SPATA13: variants seen among roughly 807,000 people sequenced by gnomAD.
SPATA13 encodes the protein spermatogenesis-associated protein 13.
SPATA13 carries 50 observed loss-of-function variants against 104.0 expected under a neutral mutation model. The ratio of observed to expected loss-of-function variants is 0.48; its 90% CI spans 0.38 to 0.61. The LOEUF (loss-of-function observed/expected upper bound fraction) is 0.61, where lower values mean the gene tolerates loss of function less well. Ranked by LOEUF, SPATA13 falls within the 20% of genes least tolerant of loss-of-function variation. The pLI is 0.00. For synonymous variants in SPATA13, 606 were observed against 667.5 expected (o/e 0.91, Z 1.42); for missense variants, 1,524 against 1,690.6 (o/e 0.90, Z 1.73).
chr13:24,194,129 G>A (rs1370070735), intron 1 of SPATA13, among the ~76,000 whole-genome samples: 1 of 152,180 alleles, frequency 6.6e-6, no homozygotes, highest in Non-Finnish European at 1.5e-5. Context: ...AACTCTAGCA[G>A]CTTCCCCTGC....
At chr13:24,283,723 C>T (rs1875717495) in intron 4 of SPATA13, among the ~76,000 whole-genome samples, 1 of 152,200 alleles carries the variant, frequency 6.6e-6, no homozygotes, top group African/African-American at 2.4e-5. Flanking sequence ...AATACTGTTG[C>T]CTTGCAGATA....
chr13:23,996,398 G>A (rs1424037554), intron 2 of SPATA13, among the ~76,000 whole-genome samples: 1 of 70,898 alleles, frequency 1.4e-5, no homozygotes, highest in Non-Finnish European at 3.5e-5. Context: ...ATTCAGCAGA[G>A]TTCAATTGGG....
chr13:24,160,538 C>T (rs537996470), upstream of SPATA13, among the ~76,000 whole-genome samples: 3 of 152,280 alleles, frequency 2.0e-5, no homozygotes, highest in African/African-American at 7.2e-5. Context: ...GCCACTGCGC[C>T]TGGCCGGGGA....
intron 2 of SPATA13, among the ~76,000 whole-genome samples, chr13:24,008,876 C>T (rs1876343865): frequency 6.6e-6 from 1 of 152,190 alleles, no homozygotes; most frequent in South Asian, 2.1e-4. Context: ...CCCCAGACAG[C>T]CATTCAGCCA....
intron 4 of SPATA13, among the ~76,000 whole-genome samples, chr13:24,281,727 C>A (rs1346298041): frequency 2.0e-5 from 3 of 152,230 alleles, no homozygotes; most frequent in African/African-American, 7.2e-5. Context: ...GCACCACTCA[C>A]AGGTGCTGTG....
chr13:24,179,498 T>C (rs1868657125), intron 1 of SPATA13, among the ~76,000 whole-genome samples: 1 of 152,238 alleles, frequency 6.6e-6, no homozygotes, highest in Non-Finnish European at 1.5e-5. Context: ...TTAACCAGTT[T>C]CAGTGTACAG....
intron 2 of SPATA13, among the ~76,000 whole-genome samples, chr13:24,004,788 G>A (rs12429964): frequency 0.16 from 24,501 of 152,094 alleles, 2,628 homozygotes; most frequent in East Asian, 0.52. Flanking sequence ...GTGACAGTAG[G>A]CTAATAATAG....
chr13:24,174,307 T>C (rs990851084), intron 1 of SPATA13, among the ~76,000 whole-genome samples: 2 of 152,148 alleles, frequency 1.3e-5, no homozygotes, highest in Admixed American at 1.3e-4. Context: ...TTTTTTCTAT[T>C]GATATTTGTT....
At chr13:24,270,948 A>G in intron 4 of SPATA13, 3 of 1,487,496 alleles carry the variant, frequency 2.0e-6, no homozygotes, top group Middle Eastern at 1.7e-4. Flanking sequence ...GTACTGTGAC[A>G]TGTTGCCGAT....
intron 3 of SPATA13, among the ~76,000 whole-genome samples, chr13:24,079,568 G>C (rs1038905343): frequency 2.6e-5 from 4 of 152,166 alleles, no homozygotes; most frequent in African/African-American, 9.7e-5. Context: ...AGACTAGGCA[G>C]GATGGGCAAA....
intron 2 of SPATA13, among the ~76,000 whole-genome samples, chr13:24,249,187 T>C (rs1465800972): frequency 6.6e-6 from 1 of 152,212 alleles, no homozygotes; most frequent in African/African-American, 2.4e-5. Context: ...ATTTTCTTAA[T>C]GCCTTTTATC....
At chr13:24,139,139 T>C (rs1881671175) in intron 3 of SPATA13, among the ~76,000 whole-genome samples, 1 of 152,188 alleles carries the variant, frequency 6.6e-6, no homozygotes, top group Non-Finnish European at 1.5e-5. Flanking sequence ...GAATCCTTGC[T>C]GTTCCTGGGT....
intron 3 of SPATA13, among the ~76,000 whole-genome samples, chr13:24,085,961 G>A (rs1879705851): frequency 6.6e-6 from 1 of 152,202 alleles, no homozygotes; most frequent in African/African-American, 2.4e-5. Flanking sequence ...GGGAGAGAGG[G>A]AGTTAAATGG....
At chr13:24,262,874 A>G (rs1309777259) in intron 4 of SPATA13, among the ~76,000 whole-genome samples, 1 of 152,220 alleles carries the variant, frequency 6.6e-6, no homozygotes, top group Non-Finnish European at 1.5e-5. Context: ...GTCCCAGAGC[A>G]CTTGGAGTCT....
intron 1 of SPATA13, among the ~76,000 whole-genome samples, chr13:24,165,661 C>T (rs1031719869): frequency 6.6e-6 from 1 of 151,554 alleles, no homozygotes; most frequent in East Asian, 1.9e-4. Flanking sequence ...ACGGGGAGGG[C>T]AGGCTTTTAT....
upstream of SPATA13, among the ~76,000 whole-genome samples, chr13:24,157,668 A>G (rs1228180790): frequency 6.6e-6 from 1 of 152,126 alleles, no homozygotes; most frequent in Non-Finnish European, 1.5e-5. Flanking sequence ...AGCTCCTCAA[A>G]GAAAAAAAAC....
In SPATA13 at chr13:24,306,176, T is replaced by C. The variant is rs1218486255; in HGVS notation, c.*3403T>C. 1 of 152,254 alleles carries C rather than the reference T, an allele frequency of 6.6e-6. No individual in the cohort carries two copies. The highest frequency in any genetic ancestry group is 2.4e-5 in the African/African-American group (1 of 41,462). The allele number at this position is 152,254 out of a possible 1,614,324, so 9.4% of individuals were successfully genotyped here. A position where few individuals can be genotyped will look rare whatever the true frequency, so the allele number is the denominator to read the frequency against. ...ATCCCCCCATCCTACATGACTGTTA[T>C]CTAGACATAAAGCAAAGTGCATTTA... On this transcript the variant is annotated 3_prime_UTR_variant, in exon 13 of 13. Coordinates refer to ENST00000382108, the MANE Select transcript of SPATA13 (RefSeq NM_001166271.3).
intron 8 of SPATA13, 133 bp from the exon 9 acceptor site, chr13:24,290,519 C>G (rs1175298180): frequency 1.4e-6 from 1 of 712,696 alleles, no homozygotes; most frequent in Non-Finnish European, 2.4e-6. Flanking sequence ...GGATTTCATG[C>G]CCTGTCCTTC....
intron 4 of SPATA13, chr13:24,270,698 A>C: frequency 6.8e-7 from 1 of 1,481,142 alleles, no homozygotes; most frequent in East Asian, 2.5e-5. Context: ...GTTTCTGGGC[A>C]GGCTCTGGCC....
Sources: allele counts gnomAD v4.1 joint callset (sites outside exome capture counted in the v4.1 genomes callset), GRCh38; gene constraint gnomAD v4.1.1; transcripts MANE v1.5; gene names NCBI Gene and HGNC (gene_info 2026-07-23, HGNC 2026-07-21).